The following RARB variants were observed in gnomAD, a reference collection of about 807,000 sequenced individuals.
RARB encodes HBV-activated protein.
Under a neutral mutation model 51.9 loss-of-function variants are expected in RARB, and 17 were observed. The ratio of observed to expected loss-of-function variants is 0.33; its 90% confidence interval spans 0.22 to 0.49. The LOEUF (loss-of-function observed/expected upper bound fraction) is 0.49, where lower values mean the gene tolerates loss of function less well. RARB is among the 20% of genes least tolerant of loss of function. The pLI is 0.99. For synonymous variants in RARB, 215 were observed against 195.4 expected (o/e 1.10, Z -0.84); for missense variants, 369 against 550.8 (o/e 0.67, Z 3.30).
intron 2 of RARB, among the ~76,000 whole-genome samples, chr3:24,888,725 C>G (rs1175791221): frequency 6.6e-6 from 1 of 152,002 alleles, no homozygotes; most frequent in Admixed American, 6.6e-5. Flanking sequence ...ATAAATATGT[C>G]TGCTATATAT....
At chr3:25,510,783 T>C (rs973794023) in intron 3 of RARB, among the ~76,000 whole-genome samples, 1 of 152,220 alleles carries the variant, frequency 6.6e-6, no homozygotes, top group Non-Finnish European at 1.5e-5. Flanking sequence ...TGATAAAGAT[T>C]TTCCTTTCCA....
At position 25,246,969 on chromosome 3, in the gene RARB, T is replaced by C. The variant is rs372612822; in HGVS notation, c.178+72394T>C. On this transcript the variant is annotated intron_variant, in intron 5 of 11. Coordinates refer to the RARB transcript ENST00000383772. ...CTGTCCCAGGGAGAGGGGAGTTTCATCTATAAGCCCCTGACTAGGGCTGCT... is the reference window on the plus strand; with the variant it reads ...CTGTCCCAGGGAGAGGGGAGTTTCACCTATAAGCCCCTGACTAGGGCTGCT... 2.7e-4 allele frequency among the ~76,000 whole-genome samples: 41 copies of C among 152,288 alleles called. No individual in the cohort carries two copies. The South Asian group carries it at 6.8e-3, about 25-fold the overall frequency.
At chr3:25,590,669 T>C (rs1464945362) in intron 5 of RARB, among the ~76,000 whole-genome samples, 1 of 152,126 alleles carries the variant, frequency 6.6e-6, no homozygotes, top group African/African-American at 2.4e-5. Flanking sequence ...ACAGGTGCGC[T>C]TCACCAGGCC....
chr3:25,009,954 T>A (rs1179672911), intron 2 of RARB, among the ~76,000 whole-genome samples: 1 of 152,114 alleles, frequency 6.6e-6, no homozygotes, highest in Non-Finnish European at 1.5e-5. Context: ...CAAAGCTGTT[T>A]CTTATTTTAT....
intron 5 of RARB, among the ~76,000 whole-genome samples, chr3:25,391,327 G>T (rs1706950701): frequency 6.6e-6 from 1 of 151,918 alleles, no homozygotes; most frequent in South Asian, 2.1e-4. Context: ...CCATATTTTT[G>T]CAGTTGTGAA....
At chr3:25,304,194 C>G (rs191547994) in intron 5 of RARB, among the ~76,000 whole-genome samples, 5 of 152,192 alleles carry the variant, frequency 3.3e-5, no homozygotes, top group African/African-American at 4.8e-5. Flanking sequence ...CAAGGCCTTC[C>G]GAATCCCAGC....
intron 5 of RARB, among the ~76,000 whole-genome samples, chr3:25,588,803 C>T (rs1182548826): frequency 6.6e-6 from 1 of 152,134 alleles, no homozygotes; most frequent in African/African-American, 2.4e-5. Context: ...GTCCGTGGGG[C>T]TGGTTAACTG....
intron 5 of RARB, among the ~76,000 whole-genome samples, chr3:25,260,278 A>G (rs1013640749): frequency 3.3e-5 from 5 of 152,148 alleles, no homozygotes; most frequent in Admixed American, 2.6e-4. Flanking sequence ...AGTATTTTGT[A>G]TAGAATAAGA....
intron 5 of RARB, among the ~76,000 whole-genome samples, chr3:25,287,485 AGGGCAGGAG>A (rs1703683823): frequency 6.6e-6 from 1 of 152,132 alleles, no homozygotes; most frequent in African/African-American, 2.4e-5. Flanking sequence ...GGTCATTAGG[AGGGCAGGAG>A]GGGGAAGCAT....
intron 5 of RARB, among the ~76,000 whole-genome samples, chr3:25,242,153 G>A (rs1454968320): frequency 6.6e-6 from 1 of 151,246 alleles, no homozygotes; most frequent in African/African-American, 2.4e-5. Flanking sequence ...TTTTCAATGA[G>A]GTTTTTTTTT....
At chr3:25,444,849 G>C (rs1424210047) in intron 1 of RARB, among the ~76,000 whole-genome samples, 1 of 152,208 alleles carries the variant, frequency 6.6e-6, no homozygotes, top group African/African-American at 2.4e-5. Context: ...GAGAAAAAGA[G>C]ACCCATTGCA....
intron 2 of RARB, among the ~76,000 whole-genome samples, chr3:24,929,410 T>C (rs1695394877): frequency 1.3e-5 from 2 of 152,128 alleles, no homozygotes; most frequent in Non-Finnish European, 2.9e-5. Context: ...TGATATTCAA[T>C]AAAGATGCGT....
At chr3:25,108,512 G>A (rs76629480) in intron 3 of RARB, among the ~76,000 whole-genome samples, 1 of 152,040 alleles carries the variant, frequency 6.6e-6, no homozygotes, top group African/African-American at 2.4e-5. Context: ...AGGTTTTATG[G>A]ACCAGATCAG....
intron 2 of RARB, among the ~76,000 whole-genome samples, chr3:24,979,882 A>T (rs1575102999): frequency 6.6e-6 from 1 of 152,068 alleles, no homozygotes; most frequent in East Asian, 1.9e-4. Flanking sequence ...TGGTCTTTAC[A>T]ATTTGGCATG....
intron 2 of RARB, among the ~76,000 whole-genome samples, chr3:25,491,814 G>A (rs1696752046): frequency 6.6e-6 from 1 of 152,028 alleles, no homozygotes; most frequent in South Asian, 2.1e-4. Context: ...GGTGGCAGGT[G>A]CCTGTGATCC....
At chr3:24,945,896 T>C (rs1695762454) in intron 2 of RARB, among the ~76,000 whole-genome samples, 1 of 152,332 alleles carries the variant, frequency 6.6e-6, no homozygotes, top group Middle Eastern at 3.4e-3. Context: ...GTAAGTCTCC[T>C]CCAAAGTTTA....
intron 2 of RARB, among the ~76,000 whole-genome samples, chr3:24,906,152 G>A (rs189225173): frequency 1.3e-5 from 2 of 152,288 alleles, no homozygotes; most frequent in African/African-American, 4.8e-5. Flanking sequence ...TTTCACAAAT[G>A]AGGAGGGGAT....
chr3:25,202,234 A>G (rs1044964027), intron 5 of RARB, among the ~76,000 whole-genome samples: 6 of 152,126 alleles, frequency 3.9e-5, no homozygotes, highest in African/African-American at 1.4e-4. Context: ...AGGTGTTTAT[A>G]GTATTCTCTG....
At chr3:25,214,117 T>C (rs894868477) in intron 5 of RARB, among the ~76,000 whole-genome samples, 3 of 152,182 alleles carry the variant, frequency 2.0e-5, no homozygotes, top group East Asian at 1.9e-4. Context: ...TGAGGTCAAA[T>C]ATAAAGCTTG....
Sources: gnomAD v4.1 joint callset for allele counts (sites outside exome capture counted in the v4.1 genomes callset) on GRCh38, gnomAD v4.1.1 for gene constraint, MANE v1.5 for transcripts, NCBI Gene and HGNC (gene_info 2026-07-23, HGNC 2026-07-21) for gene names.